The following DIAPH3 variants were observed in gnomAD, a reference collection of about 807,000 sequenced individuals.
The protein encoded by DIAPH3 is diaphanous related formin 3, also known as protein diaphanous homolog 3.
DIAPH3 carries 117 observed loss-of-function variants against 144.3 expected under a neutral mutation model. That is an observed-to-expected ratio of 0.81 (90% CI 0.70 to 0.95). The LOEUF (loss-of-function observed/expected upper bound fraction) is 0.95, where lower values mean the gene tolerates loss of function less well. Among genes scored for constraint, DIAPH3 ranks in the 40% least tolerant of loss-of-function variants. The pLI, the probability that DIAPH3 is intolerant of heterozygous loss-of-function variation, is 0.00. For missense variants in DIAPH3, 1,421 were observed against 1,412.7 expected (o/e 1.01, Z -0.09); for synonymous variants, 519 against 488.9 (o/e 1.06, Z -0.81).
chr13:60,072,642 A>G (rs1594584736), intron 4 of DIAPH3, among the ~76,000 whole-genome samples: 1 of 152,354 alleles, frequency 6.6e-6, no homozygotes, highest in East Asian at 1.9e-4. Context: ...TATAAGTTAT[A>G]GTTACTAAAG....
At chr13:59,748,391 T>C (rs2036811802) in intron 27 of DIAPH3, among the ~76,000 whole-genome samples, 1 of 152,234 alleles carries the variant, frequency 6.6e-6, no homozygotes, top group South Asian at 2.1e-4. Flanking sequence ...ACAAATACTC[T>C]CTGCCAAGAA....
intron 13 of DIAPH3, among the ~76,000 whole-genome samples, chr13:59,982,881 A>G (rs1408616772): frequency 1.3e-5 from 2 of 151,600 alleles, no homozygotes; most frequent in Admixed American, 1.3e-4. Flanking sequence ...ATGAATAATC[A>G]GATAGGTTAA....
At chr13:60,109,022 A>C (rs1014123001) in intron 3 of DIAPH3, among the ~76,000 whole-genome samples, 3 of 152,318 alleles carry the variant, frequency 2.0e-5, no homozygotes, top group Admixed American at 2.0e-4. Context: ...CACAATATAA[A>C]AGATATTCTC....
At chr13:59,967,123 G>C (rs1426101616) in intron 17 of DIAPH3, among the ~76,000 whole-genome samples, 1 of 152,094 alleles carries the variant, frequency 6.6e-6, no homozygotes, top group African/African-American at 2.4e-5. Flanking sequence ...CTGGAGTGCA[G>C]TGGCGTGATC....
intron 12 of DIAPH3, among the ~76,000 whole-genome samples, chr13:59,987,180 A>G (rs745598771): frequency 0.071 from 10,824 of 151,950 alleles, 424 homozygotes; most frequent in Admixed American, 0.11. Flanking sequence ...TTGTAGGGAC[A>G]TGGATGAAAT....
intron 24 of DIAPH3, among the ~76,000 whole-genome samples, chr13:59,832,677 T>A (rs568405911): frequency 8.1e-4 from 123 of 151,870 alleles, no homozygotes; most frequent in African/African-American, 2.9e-3. Flanking sequence ...TAAAACCTAT[T>A]CAAAGGCAAA....
At chr13:60,035,864 A>G (rs1382186908) in intron 5 of DIAPH3, among the ~76,000 whole-genome samples, 1 of 152,218 alleles carries the variant, frequency 6.6e-6, no homozygotes, top group African/African-American at 2.4e-5. Context: ...TAAAAAATGC[A>G]TCCCGCTAAT....
chr13:59,802,705 C>G (rs1293645437), intron 25 of DIAPH3, among the ~76,000 whole-genome samples: 1 of 72,962 alleles, frequency 1.4e-5, no homozygotes, highest in Non-Finnish European at 2.4e-5. Context: ...GACAGAGTCT[C>G]GCTCTGTCGC....
intron 4 of DIAPH3, among the ~76,000 whole-genome samples, chr13:60,081,231 A>G (rs1264586819): frequency 6.6e-6 from 1 of 152,052 alleles, no homozygotes; most frequent in Non-Finnish European, 1.5e-5. Flanking sequence ...CATAACTTTG[A>G]AACTACATAA....
chr13:59,802,221 A>G (rs1454833150), intron 25 of DIAPH3, among the ~76,000 whole-genome samples: 3 of 152,214 alleles, frequency 2.0e-5, no homozygotes, highest in Non-Finnish European at 4.4e-5. Context: ...CTAAAAGGAT[A>G]AGAAGCACAA....
At chr13:59,858,133 G>A (rs1003912934) in intron 22 of DIAPH3, among the ~76,000 whole-genome samples, 4 of 152,120 alleles carry the variant, frequency 2.6e-5, no homozygotes, top group African/African-American at 9.7e-5. Context: ...TAACATAATG[G>A]TGGTATTATG....
intron 24 of DIAPH3, among the ~76,000 whole-genome samples, chr13:59,830,820 A>G (rs1429596111): frequency 6.6e-6 from 1 of 152,010 alleles, no homozygotes; most frequent in African/African-American, 2.4e-5. Flanking sequence ...GATCTAAAAT[A>G]TGTATACTTT....
chr13:59,886,483 G>T (rs918075615), intron 20 of DIAPH3, among the ~76,000 whole-genome samples: 1 of 151,938 alleles, frequency 6.6e-6, no homozygotes, highest in African/African-American at 2.4e-5. Context: ...GAAATCATTT[G>T]TCAATTTCTA....
At chr13:59,982,169 T>A (rs1206671376) in intron 13 of DIAPH3, among the ~76,000 whole-genome samples, 1 of 151,500 alleles carries the variant, frequency 6.6e-6, no homozygotes, top group Non-Finnish European at 1.5e-5. Flanking sequence ...GAGATTATTC[T>A]AAATATTTAA....
chr13:59,941,371 T>C (rs749757117), intron 17 of DIAPH3, among the ~76,000 whole-genome samples: 6 of 152,226 alleles, frequency 3.9e-5, no homozygotes, highest in Non-Finnish European at 8.8e-5. Context: ...TCAGAATTCA[T>C]ATACACCTCT....
intron 20 of DIAPH3, among the ~76,000 whole-genome samples, chr13:59,909,890 C>T (rs569595551): frequency 6.6e-6 from 1 of 152,306 alleles, no homozygotes; most frequent in Non-Finnish European, 1.5e-5. Context: ...TAAAAGTACA[C>T]TTTTTGTAAA....
chr13:60,011,790 A>G (rs2053286948), intron 7 of DIAPH3, among the ~76,000 whole-genome samples: 1 of 152,214 alleles, frequency 6.6e-6, no homozygotes, highest in Non-Finnish European at 1.5e-5. Context: ...AATGGTATTT[A>G]TTATAAGGAA....
intron 21 of DIAPH3, among the ~76,000 whole-genome samples, chr13:59,871,452 A>T (rs942747570): frequency 2.0e-5 from 3 of 152,162 alleles, no homozygotes; most frequent in Admixed American, 2.0e-4. Context: ...TTCTTTATCA[A>T]CTTGAGGAAG....
chr13:59,842,836 G>A (rs2042422090), intron 22 of DIAPH3, among the ~76,000 whole-genome samples: 1 of 152,084 alleles, frequency 6.6e-6, no homozygotes, highest in Non-Finnish European at 1.5e-5. Context: ...ATGGTGGGAC[G>A]GGGGTGGTGC....
Sources: gnomAD v4.1 joint callset for allele counts (sites outside exome capture counted in the v4.1 genomes callset) on GRCh38, gnomAD v4.1.1 for gene constraint, MANE v1.5 for transcripts, NCBI Gene and HGNC (gene_info 2026-07-23, HGNC 2026-07-21) for gene names.